The following RERE variants were observed in gnomAD, a reference collection of about 807,000 sequenced individuals.
The protein encoded by RERE is arginine-glutamic acid dipeptide repeats protein.
In RERE, 40 loss-of-function variants were observed where a neutral mutation model predicts 146.1. The ratio of observed to expected loss-of-function variants is 0.27; its 90% CI spans 0.21 to 0.36. The LOEUF (loss-of-function observed/expected upper bound fraction) is 0.36, where lower values mean the gene tolerates loss of function less well. Among genes scored for constraint, RERE ranks in the 10% least tolerant of loss-of-function variants. The probability of loss-of-function intolerance (pLI) is 1.00; values close to 1 mark genes in which losing one functional copy is unlikely to be tolerated. For synonymous variants in RERE, 1,003 were observed against 866.0 expected (o/e 1.16, Z -2.78); for missense variants, 1,933 against 2,138.7 (o/e 0.90, Z 1.90).
intron 1 of RERE, among the ~76,000 whole-genome samples, chr1:8,725,282 T>A (rs1253748726): frequency 6.6e-6 from 1 of 152,074 alleles, no homozygotes; most frequent in Non-Finnish European, 1.5e-5. Context: ...AATAACTATT[T>A]TGGCCGGATG....
chr1:8,662,729 T>C (rs992755944), intron 1 of RERE, among the ~76,000 whole-genome samples: 23 of 151,966 alleles, frequency 1.5e-4, no homozygotes, highest in Admixed American at 1.5e-3. Flanking sequence ...CCACTTCCTG[T>C]CAGTACTTAA....
intron 12 of RERE, among the ~76,000 whole-genome samples, chr1:8,416,519 G>C (rs1403434172): frequency 6.7e-6 from 1 of 148,530 alleles, no homozygotes; most frequent in Non-Finnish European, 1.5e-5. Context: ...CTGGGAGGCG[G>C]AGCTTGCAGT....
chr1:8,677,036 T>A (rs547208170), intron 1 of RERE, among the ~76,000 whole-genome samples: 22 of 152,108 alleles, frequency 1.4e-4, no homozygotes, highest in Non-Finnish European at 2.2e-4. Flanking sequence ...AGATCCCCTG[T>A]GCTTGAGCTC....
intron 1 of RERE, among the ~76,000 whole-genome samples, chr1:8,779,607 G>A (rs978382297): frequency 2.0e-5 from 3 of 151,988 alleles, no homozygotes; most frequent in Admixed American, 2.0e-4. Flanking sequence ...AGGTTGCAAT[G>A]AGCCGAGATC....
chr1:8,668,582 G>C (rs527373217), intron 1 of RERE, among the ~76,000 whole-genome samples: 3 of 152,024 alleles, frequency 2.0e-5, no homozygotes, highest in Non-Finnish European at 4.4e-5. Flanking sequence ...CAAGCAGATG[G>C]GTAAATAAAG....
intron 1 of RERE, among the ~76,000 whole-genome samples, chr1:8,797,601 ATC>A (rs2124585159): frequency 6.6e-6 from 1 of 152,338 alleles, no homozygotes; most frequent in South Asian, 2.1e-4. Flanking sequence ...ATATTTTAAA[ATC>A]TTTTTTACCT....
chr1:8,665,836 A>C (rs1204937662), intron 1 of RERE, among the ~76,000 whole-genome samples: 1 of 152,230 alleles, frequency 6.6e-6, no homozygotes, highest in African/African-American at 2.4e-5. Context: ...AACTGGATAC[A>C]TCTGAGAGAG....
intron 1 of RERE, among the ~76,000 whole-genome samples, chr1:8,738,019 G>A (rs1640234502): frequency 6.6e-6 from 1 of 152,320 alleles, no homozygotes; most frequent in East Asian, 1.9e-4. Context: ...CAGCTATTCA[G>A]AAAGTGTGTC....
chr1:8,365,829 G>C lies in RERE; in HGVS notation c.1430C>G (p.Pro477Arg), dbSNP rs374230609. The C allele has an allele frequency of 2.5e-6, 4 of 1,614,168 alleles. No individual in the cohort carries two copies. Among genetic ancestry groups the C allele is most frequent in the Non-Finnish European group, 3.4e-6 (4 of 1,180,034 alleles). ...CTACTCACAGAATTCACTGGACGGG[G>C]GTCTGGAGGGTGTGTTGACGGGTGT... ...ASTPVNTPSR[P>R]PSSEFLDLSS... Residue 477 changes from proline (P) to arginine (R), a missense_variant, in exon 13 of 23, where the codon CCC becomes CGC. Transcript: ENST00000400908.
chr1:8,814,156 T>C (rs1641866608), intron 1 of RERE, among the ~76,000 whole-genome samples: 1 of 152,186 alleles, frequency 6.6e-6, no homozygotes, highest in Non-Finnish European at 1.5e-5. Context: ...ATACACAACT[T>C]TAGAGATTAC....
intron 2 of RERE, among the ~76,000 whole-genome samples, chr1:8,632,143 C>T (rs1033416087): frequency 6.6e-6 from 1 of 152,178 alleles, no homozygotes; most frequent in Non-Finnish European, 1.5e-5. Context: ...AAATAATGTA[C>T]ATTCAAGAAA....
intron 4 of RERE, among the ~76,000 whole-genome samples, chr1:8,611,211 A>C (rs1312788179): frequency 6.6e-6 from 1 of 150,736 alleles, no homozygotes; most frequent in African/African-American, 2.4e-5. Flanking sequence ...CAACAACAAC[A>C]AAACATACAC....
At chr1:8,551,070 A>G (rs1347176530) in intron 6 of RERE, among the ~76,000 whole-genome samples, 2 of 152,202 alleles carry the variant, frequency 1.3e-5, no homozygotes, top group South Asian at 2.1e-4. Flanking sequence ...GCATCTTCCT[A>G]TAATAGGAGC....
At chr1:8,530,743 C>G (rs1160784089) in intron 7 of RERE, among the ~76,000 whole-genome samples, 1 of 137,352 alleles carries the variant, frequency 7.3e-6, no homozygotes, top group South Asian at 2.3e-4. Flanking sequence ...GGACTGCGGA[C>G]TGCAGTGGCG....
chr1:8,577,688 A>AT (rs1189156385), intron 4 of RERE, among the ~76,000 whole-genome samples: 32 of 152,226 alleles, frequency 2.1e-4, no homozygotes, highest in Admixed American at 2.1e-3. Flanking sequence ...CTCACTGAAT[A>AT]TAAGATATTC....
chr1:8,405,024 C>T (rs1050561470), intron 12 of RERE, among the ~76,000 whole-genome samples: 2 of 151,840 alleles, frequency 1.3e-5, no homozygotes, highest in African/African-American at 2.4e-5. Context: ...CTTTTTGGGG[C>T]GTGGGGGAGG....
intron 1 of RERE, among the ~76,000 whole-genome samples, chr1:8,678,473 T>C (rs1481686981): frequency 2.1e-5 from 3 of 145,850 alleles, no homozygotes; most frequent in African/African-American, 7.5e-5. Context: ...TGAAACCCCA[T>C]CTCTACTAAA....
chr1:8,709,508 G>A (rs1215601346), intron 1 of RERE, among the ~76,000 whole-genome samples: 4 of 152,066 alleles, frequency 2.6e-5, no homozygotes, highest in Non-Finnish European at 5.9e-5. Flanking sequence ...CTCTTCTCTA[G>A]AACATAGGTA....
chr1:8,558,807 T>A (rs1646037381), intron 4 of RERE, among the ~76,000 whole-genome samples: 2 of 150,686 alleles, frequency 1.3e-5, no homozygotes, highest in Non-Finnish European at 3.0e-5. Context: ...TTCTTTTTTT[T>A]TTTTTTGAGA....
Sources: gnomAD v4.1 joint callset for allele counts (sites outside exome capture counted in the v4.1 genomes callset) on GRCh38, gnomAD v4.1.1 for gene constraint, MANE v1.5 for transcripts, NCBI Gene and HGNC (gene_info 2026-07-23, HGNC 2026-07-21) for gene names.